Variants in PDE3A observed in about 807,000 individuals in gnomAD.
PDE3A encodes the protein cGMP-inhibited 3',5'-cyclic phosphodiesterase 3A.
In PDE3A, 43 loss-of-function variants were observed where a neutral mutation model predicts 98.3. That is an observed-to-expected ratio of 0.44 (90% CI 0.34 to 0.56). The LOEUF is 0.56. PDE3A is among the 20% of genes least tolerant of loss of function. PDE3A has a pLI of 0.01. For missense variants in PDE3A, 1,427 were observed against 1,440.7 expected, an observed-to-expected ratio of 0.99 and a Z score of 0.15; for synonymous variants, 663 against 567.9, an observed-to-expected ratio of 1.17 and a Z score of -2.38.
At position 20,369,371 on chromosome 12, in the gene PDE3A, C is replaced by T; in HGVS notation, c.87C>T (p.Cys29=). The T allele has an allele frequency of 1.9e-6, 3 of 1,549,668 alleles. No individual in the cohort carries two copies. Among genetic ancestry groups the T allele is most frequent in the Non-Finnish European group, 2.6e-6 (3 of 1,147,138 alleles). Residue 29 remains cysteine, a synonymous_variant, in exon 1 of 16, where the codon TGC becomes TGT. Coordinates refer to ENST00000359062, the MANE Select transcript of PDE3A (RefSeq NM_000921.5). ...AAGCCCCCACGGCGGGCCGGGACTG[C>T]CACCATCGTGCGGACCCCGCATCGC... The part of the protein sequence containing the change: ...VSQAPTAGRD[C]HHRADPASPR...
chr12:20,494,217 T>C (rs1945878709), intron 1 of PDE3A, among the ~76,000 whole-genome samples: 1 of 152,240 alleles, frequency 6.6e-6, no homozygotes, highest in African/African-American at 2.4e-5. Flanking sequence ...TGAAGCCTTT[T>C]ATTTTTCTTG....
chr12:20,379,237 G>A (rs1015074820), intron 1 of PDE3A, among the ~76,000 whole-genome samples: 4 of 151,828 alleles, frequency 2.6e-5, no homozygotes, highest in African/African-American at 7.2e-5. Flanking sequence ...CCATTTTTAA[G>A]CTAGCATGAA....
intron 15 of PDE3A, among the ~76,000 whole-genome samples, chr12:20,660,129 T>G (rs1444567532): frequency 6.6e-6 from 1 of 152,156 alleles, no homozygotes; most frequent in Non-Finnish European, 1.5e-5. Context: ...GAGTGACTTG[T>G]CACAAGATTT....
intron 15 of PDE3A, among the ~76,000 whole-genome samples, chr12:20,656,322 T>C (rs1945043395): frequency 6.6e-6 from 1 of 152,212 alleles, no homozygotes; most frequent in Non-Finnish European, 1.5e-5. Context: ...TGCTCTCATA[T>C]AAGCACCTTG....
intron 15 of PDE3A, among the ~76,000 whole-genome samples, chr12:20,658,961 C>A (rs554236602): frequency 6.6e-6 from 1 of 152,056 alleles, no homozygotes; most frequent in Non-Finnish European, 1.5e-5. Context: ...GCAAGCCCAT[C>A]TTGGTCACAA....
chr12:20,537,216 A>G (rs1009560115), intron 1 of PDE3A, among the ~76,000 whole-genome samples: 3 of 152,052 alleles, frequency 2.0e-5, no homozygotes, highest in Non-Finnish European at 2.9e-5. Context: ...AGAAATGTCT[A>G]TTTAATCCTG....
intron 1 of PDE3A, among the ~76,000 whole-genome samples, chr12:20,380,306 C>T (rs559434396): frequency 1.6e-4 from 25 of 151,936 alleles, no homozygotes; most frequent in Non-Finnish European, 7.4e-5. Context: ...ATCCAACTGC[C>T]GTGCTAGTTC....
At chr12:20,464,412 G>A (rs549569660) in intron 1 of PDE3A, among the ~76,000 whole-genome samples, 31 of 152,180 alleles carry the variant, frequency 2.0e-4, no homozygotes, top group South Asian at 1.5e-3. Flanking sequence ...TATTTTTTCA[G>A]CTCTCGCTTT....
chr12:20,376,299 T>G (rs990558726), intron 1 of PDE3A, among the ~76,000 whole-genome samples: 41 of 152,002 alleles, frequency 2.7e-4, no homozygotes, highest in African/African-American at 9.4e-4. Context: ...CAAGGCAAGA[T>G]GGCTTTTGTC....
At chr12:20,663,192 T>C (rs776993258) in intron 15 of PDE3A, among the ~76,000 whole-genome samples, 3 of 152,206 alleles carry the variant, frequency 2.0e-5, no homozygotes, top group Non-Finnish European at 4.4e-5. Context: ...AGAGGATGTA[T>C]GGCAATGCCT....
chr12:20,532,922 C>A (rs376646670), intron 1 of PDE3A, among the ~76,000 whole-genome samples: 2 of 152,024 alleles, frequency 1.3e-5, no homozygotes, highest in Admixed American at 1.3e-4. Flanking sequence ...GTGATCCGCC[C>A]GCCTCGGCCT....
chr12:20,626,447 C>T (rs989087229), intron 5 of PDE3A, among the ~76,000 whole-genome samples: 9 of 150,746 alleles, frequency 6.0e-5, no homozygotes. Context: ...TAGAAATATC[C>T]ATGCTTCTCA....
intron 1 of PDE3A, among the ~76,000 whole-genome samples, chr12:20,556,405 T>C (rs998751511): frequency 1.3e-5 from 2 of 152,256 alleles, no homozygotes; most frequent in African/African-American, 4.8e-5. Context: ...ATCTAGGATG[T>C]TCCTGACAGA....
chr12:20,475,042 G>A (rs1247154252), intron 1 of PDE3A, among the ~76,000 whole-genome samples: 1 of 152,026 alleles, frequency 6.6e-6, no homozygotes, highest in African/African-American at 2.4e-5. Context: ...GCCCAATTTT[G>A]TAAGTAGTCT....
intron 1 of PDE3A, among the ~76,000 whole-genome samples, chr12:20,463,452 T>C (rs1275435278): frequency 6.6e-6 from 1 of 152,188 alleles, no homozygotes; most frequent in Non-Finnish European, 1.5e-5. Context: ...CATAATTATG[T>C]TATACTTGTT....
chr12:20,369,234 CG>C lies in PDE3A; in HGVS notation c.-46del. 7.6e-7 allele frequency: 1 copy of C among 1,308,782 alleles called. No homozygotes were observed. The highest frequency in any genetic ancestry group is 1.5e-5 in the South Asian group (1 of 67,980). 81.1% of individuals were successfully genotyped at this position (1,308,782 alleles called of 1,614,324 possible). A position where few individuals can be genotyped will look rare whatever the true frequency, so the allele number is the denominator to read the frequency against. ...GTGCGCGCGCGCGCGTGGGTCGGGG[CG>C]GGGGCGTCGGGGGGCCACTGGGAAT... On this transcript the variant is annotated 5_prime_UTR_variant, in exon 1 of 16. Coordinates refer to ENST00000359062, the MANE Select transcript of PDE3A (RefSeq NM_000921.5).
chr12:20,610,031 A>G (rs888522187), intron 2 of PDE3A, among the ~76,000 whole-genome samples: 2 of 151,626 alleles, frequency 1.3e-5, no homozygotes, highest in Non-Finnish European at 2.9e-5. Flanking sequence ...GCCAAAAGAG[A>G]AAAAATAAGT....
intron 1 of PDE3A, among the ~76,000 whole-genome samples, chr12:20,400,495 C>G (rs1043221574): frequency 2.0e-5 from 3 of 147,764 alleles, no homozygotes; most frequent in Non-Finnish European, 3.0e-5. Context: ...CAAGCTCCAC[C>G]TCCCTGGTTC....
At chr12:20,404,433 G>A (rs1167513688) in intron 1 of PDE3A, among the ~76,000 whole-genome samples, 1 of 151,836 alleles carries the variant, frequency 6.6e-6, no homozygotes, top group Non-Finnish European at 1.5e-5. Flanking sequence ...AAAAGAAAAG[G>A]GACAACTTTG....
Sources: gnomAD v4.1 joint callset for allele counts (sites outside exome capture counted in the v4.1 genomes callset) on GRCh38, gnomAD v4.1.1 for gene constraint, MANE v1.5 for transcripts, NCBI Gene and HGNC (gene_info 2026-07-23, HGNC 2026-07-21) for gene names.